The following DNAH9 variants were observed in gnomAD, a reference collection of about 807,000 sequenced individuals.
DNAH9 encodes dynein axonemal heavy chain 9.
A neutral mutation model predicts 471.6 loss-of-function variants in DNAH9; 345 were observed. The ratio of observed to expected loss-of-function variants is 0.73; its 90% confidence interval spans 0.67 to 0.80. The LOEUF (loss-of-function observed/expected upper bound fraction) is 0.80. Ranked by LOEUF, DNAH9 falls within the 30% of genes least tolerant of loss-of-function variation. DNAH9 has a pLI of 0.00. For synonymous variants in DNAH9, 2,093 were observed against 2,123.6 expected (o/e 0.99, Z 0.40); for missense variants, 5,407 against 5,609.2 (o/e 0.96, Z 1.15).
intron 33 of DNAH9, among the ~76,000 whole-genome samples, chr17:11,754,898 T>C (rs1053830265): frequency 4.6e-5 from 7 of 152,250 alleles, no homozygotes; most frequent in Admixed American, 3.9e-4. Flanking sequence ...ATTAAATCTT[T>C]GCGCATTCTT....
At chr17:11,843,861 G>GTATATATATATATATATATATA (rs1166364623) in intron 49 of DNAH9, among the ~76,000 whole-genome samples, 5 of 54,186 alleles carry the variant, frequency 9.2e-5, no homozygotes, top group African/African-American at 2.3e-4. Context: ...GTGTGTGTGT[G>GTATATATATATATATATATATA]TGTATATATA....
intron 49 of DNAH9, among the ~76,000 whole-genome samples, chr17:11,850,923 A>G (rs1447098432): frequency 6.6e-6 from 1 of 152,158 alleles, no homozygotes; most frequent in Non-Finnish European, 1.5e-5. Context: ...AGATAAATGG[A>G]GGTCCCTGCT....
intron 59 of DNAH9, among the ~76,000 whole-genome samples, chr17:11,902,126 T>C (rs548475497): frequency 6.6e-6 from 1 of 152,312 alleles, no homozygotes; most frequent in South Asian, 2.1e-4. Flanking sequence ...TGGGAGCAGA[T>C]ATGCTCAGAG....
At chr17:11,629,335 G>C in intron 6 of DNAH9, 82 bp from the exon 7 acceptor site, 1 of 1,085,594 alleles carries the variant, frequency 9.2e-7, no homozygotes, top group Non-Finnish European at 1.3e-6. Context: ...ACCTATGAGT[G>C]AGAACATGCG....
At chr17:11,846,643 A>G in intron 49 of DNAH9, among the ~76,000 whole-genome samples, 1 of 142,008 alleles carries the variant, frequency 7.0e-6, no homozygotes, top group African/African-American at 2.6e-5. Flanking sequence ...TGAGCATGGA[A>G]TATTCTTCCA....
intron 33 of DNAH9, among the ~76,000 whole-genome samples, chr17:11,755,928 G>A (rs114583310): frequency 0.022 from 3,279 of 152,216 alleles, 50 homozygotes; most frequent in Non-Finnish European, 0.029. Flanking sequence ...TGAAAGGCGC[G>A]TCTTACATGG....
At chr17:11,702,516 T>G (rs1285370984) in intron 24 of DNAH9, among the ~76,000 whole-genome samples, 1 of 152,138 alleles carries the variant, frequency 6.6e-6, no homozygotes, top group Non-Finnish European at 1.5e-5. Context: ...GAACAAATTC[T>G]TGAGCATCAT....
At chr17:11,863,014 C>T (rs1447529712) in intron 50 of DNAH9, among the ~76,000 whole-genome samples, 1 of 152,086 alleles carries the variant, frequency 6.6e-6, no homozygotes, top group Non-Finnish European at 1.5e-5. Context: ...CCCTTTATTT[C>T]CTTCTCCTGC....
At position 11,886,048 on chromosome 17, in the gene DNAH9, C is replaced by A. The variant is rs115357212; in HGVS notation, c.10972-777C>A. Among the ~76,000 whole-genome samples, 547 of 152,276 alleles carry A rather than the reference C, an allele frequency of 3.6e-3. 4 individuals carry two copies. Among genetic ancestry groups the A allele is most frequent in the African/African-American group, 0.012 (519 of 41,560 alleles). ...TGTCATAAACAATTTTCTGGCTGGG[C>A]GCGGTGGCTCACGCCTATAATCCCA... On this transcript the variant is annotated intron_variant, in intron 56 of 68. Transcript: ENST00000262442.
At chr17:11,835,913 C>T (rs962548058) in intron 49 of DNAH9, among the ~76,000 whole-genome samples, 2 of 152,168 alleles carry the variant, frequency 1.3e-5, no homozygotes, top group Admixed American at 6.5e-5. Context: ...CCCCCCATGC[C>T]GAATACTCTG....
intron 53 of DNAH9, among the ~76,000 whole-genome samples, chr17:11,877,223 A>G (rs1972528309): frequency 6.6e-6 from 1 of 151,754 alleles, no homozygotes; most frequent in Admixed American, 6.6e-5. Context: ...CTGTAATCAT[A>G]GCACTTTGGG....
chr17:11,872,631 C>A (rs181679873), intron 52 of DNAH9, among the ~76,000 whole-genome samples: 1 of 152,050 alleles, frequency 6.6e-6, no homozygotes, highest in African/African-American at 2.4e-5. Context: ...TAGAAGTCAG[C>A]GAAGGTGGGC....
intron 50 of DNAH9, among the ~76,000 whole-genome samples, chr17:11,866,033 C>T (rs1299708134): frequency 2.0e-4 from 31 of 152,334 alleles, no homozygotes; most frequent in African/African-American, 4.8e-4. Flanking sequence ...AGTCATTCTC[C>T]GTCCAGCTTT....
chr17:11,617,708 T>C (rs2072775590), intron 5 of DNAH9, 86 bp downstream of exon 5: 3 of 937,152 alleles, frequency 3.2e-6, no homozygotes, highest in Admixed American at 4.0e-5. Flanking sequence ...GTGTCCTTTT[T>C]TCTGGGCGAG....
At chr17:11,851,518 A>ATT (rs1971420646) in intron 49 of DNAH9, among the ~76,000 whole-genome samples, 1 of 152,176 alleles carries the variant, frequency 6.6e-6, no homozygotes, top group Admixed American at 6.5e-5. Flanking sequence ...TTGGCAAGTC[A>ATT]ATACACTGAA....
chr17:11,691,500 C>A (rs1242748809), intron 20 of DNAH9, among the ~76,000 whole-genome samples: 1 of 152,152 alleles, frequency 6.6e-6, no homozygotes, highest in African/African-American at 2.4e-5. Context: ...CATTTACTTT[C>A]CCTGTAATAA....
At chr17:11,767,104 A>G (rs1418531234) in intron 36 of DNAH9, among the ~76,000 whole-genome samples, 1 of 152,204 alleles carries the variant, frequency 6.6e-6, no homozygotes, top group Non-Finnish European at 1.5e-5. Context: ...AGGTGAGACA[A>G]TGTCGGTGTG....
chr17:11,628,984 A>G (rs1167329899), intron 6 of DNAH9, among the ~76,000 whole-genome samples: 1 of 152,138 alleles, frequency 6.6e-6, no homozygotes, highest in Admixed American at 6.5e-5. Context: ...TAATAAGGTT[A>G]TGAAACTAAT....
chr17:11,679,645 G>A (rs951481228), intron 17 of DNAH9, 112 bp from the exon 18 acceptor site: 2 of 761,704 alleles, frequency 2.6e-6, no homozygotes, highest in Non-Finnish European at 4.6e-6. Context: ...CAAGTGTTGG[G>A]CATGTGGTAG....
Sources: gnomAD v4.1 joint callset for allele counts (sites outside exome capture counted in the v4.1 genomes callset) on GRCh38, gnomAD v4.1.1 for gene constraint, MANE v1.5 for transcripts, NCBI Gene and HGNC (gene_info 2026-07-23, HGNC 2026-07-21) for gene names.